MRTFA: variants seen among roughly 807,000 people sequenced by gnomAD.
MRTFA encodes myocardin related transcription factor A, also known as myocardin-related transcription factor A.
A neutral mutation model predicts 83.5 loss-of-function variants in MRTFA; 20 were observed. The ratio of observed to expected loss-of-function variants is 0.24; its 90% CI spans 0.17 to 0.35. The LOEUF (loss-of-function observed/expected upper bound fraction) is 0.35, where lower values mean the gene tolerates loss of function less well. MRTFA is among the 10% of genes least tolerant of loss of function. MRTFA has a pLI of 1.00. For missense variants in MRTFA, 1,200 were observed against 1,224.7 expected (o/e 0.98, Z 0.30); for synonymous variants, 659 against 541.2 (o/e 1.22, Z -3.02).
At chr22:40,483,007 G>A (rs1402159967) in intron 3 of MRTFA, among the ~76,000 whole-genome samples, 1 of 152,084 alleles carries the variant, frequency 6.6e-6, no homozygotes, top group Non-Finnish European at 1.5e-5. Flanking sequence ...CCAGACTGCA[G>A]TGAGCCACCA....
In MRTFA at chr22:40,588,660, T is replaced by G. The variant is rs191740151; in HGVS notation, c.-22+6014A>C. ...GTAACATAGTAACAGTGCCTTGAAT[T>G]TAACCATTTCCAACGTACACATTAA... On this transcript the variant is annotated intron_variant, in intron 2 of 14. Transcript: ENST00000355630. 8.9e-4 allele frequency among the ~76,000 whole-genome samples: 135 copies of G among 152,270 alleles called. 1 individual carries two copies. The Middle Eastern group carries it at 0.02, about 23-fold the overall frequency.
intron 2 of MRTFA, among the ~76,000 whole-genome samples, chr22:40,560,936 A>G (rs2055604713): frequency 6.6e-6 from 1 of 152,254 alleles, no homozygotes; most frequent in East Asian, 1.9e-4. Context: ...CATGAGCACT[A>G]GCACAATTCT....
At chr22:40,475,200 T>C (rs1046384317) in intron 3 of MRTFA, among the ~76,000 whole-genome samples, 2 of 152,156 alleles carry the variant, frequency 1.3e-5, no homozygotes, top group Non-Finnish European at 2.9e-5. Context: ...ATGAGAACCA[T>C]GTCTTACACA....
At chr22:40,446,011 G>C (rs1244326692) in intron 4 of MRTFA, among the ~76,000 whole-genome samples, 1 of 152,162 alleles carries the variant, frequency 6.6e-6, no homozygotes, top group Non-Finnish European at 1.5e-5. Flanking sequence ...CTCATGATTA[G>C]ATTTAGGTTA....
chr22:40,597,278 T>C (rs2147388455), intron 1 of MRTFA, among the ~76,000 whole-genome samples: 1 of 152,232 alleles, frequency 6.6e-6, no homozygotes, highest in East Asian at 1.9e-4. Flanking sequence ...CAAAAGCTAG[T>C]GTACTTCTAC....
chr22:40,495,362 C>T (rs1602334487), intron 3 of MRTFA, among the ~76,000 whole-genome samples: 2 of 142,162 alleles, frequency 1.4e-5, no homozygotes, highest in African/African-American at 5.2e-5. Context: ...TGAGGCAGGA[C>T]GATCACTTGA....
At chr22:40,504,139 G>A (rs1230518832) in intron 3 of MRTFA, among the ~76,000 whole-genome samples, 1 of 152,022 alleles carries the variant, frequency 6.6e-6, no homozygotes, top group Non-Finnish European at 1.5e-5. Flanking sequence ...TTGAAAATTA[G>A]ATATAAAAAT....
At chr22:40,512,295 C>T (rs893693531) in intron 3 of MRTFA, among the ~76,000 whole-genome samples, 2 of 152,232 alleles carry the variant, frequency 1.3e-5, no homozygotes, top group African/African-American at 2.4e-5. Flanking sequence ...CTAATTCTTA[C>T]AGCAAATGTC....
At chr22:40,490,468 G>C (rs1473529491) in intron 3 of MRTFA, among the ~76,000 whole-genome samples, 1 of 151,952 alleles carries the variant, frequency 6.6e-6, no homozygotes, top group Non-Finnish European at 1.5e-5. Context: ...GCATGGTGGT[G>C]GGTACCTGTA....
chr22:40,564,328 G>C (rs915180114), intron 2 of MRTFA, among the ~76,000 whole-genome samples: 1 of 152,130 alleles, frequency 6.6e-6, no homozygotes, highest in Non-Finnish European at 1.5e-5. Flanking sequence ...AGGAAAACAT[G>C]GGAATGAAGA....
intron 7 of MRTFA, among the ~76,000 whole-genome samples, chr22:40,427,063 G>T (rs1310105835): frequency 6.6e-6 from 1 of 152,192 alleles, no homozygotes; most frequent in Non-Finnish European, 1.5e-5. Context: ...AATTCTTTTA[G>T]CGCACAAGTC....
rs1017252758 is a variant in MRTFA, at chr22:40,430,539, G to A, written c.440-772C>T. On this transcript the variant is annotated intron_variant, in intron 6 of 14. Coordinates refer to ENST00000355630, the MANE Select transcript of MRTFA (RefSeq NM_020831.6). ...GTAAATATATTTATGCTGCTTCCAG[G>A]AGCCAAAACCTTTTCTTCACTAAAA... is the stretch of plus-strand genomic sequence containing the variant. Among the ~76,000 whole-genome samples, 23 of 151,656 alleles carry A rather than the reference G, an allele frequency of 1.5e-4. 1 individual carries two copies. Among genetic ancestry groups the A allele is most frequent in the Non-Finnish European group, 2.2e-4 (15 of 67,944 alleles).
intron 1 of MRTFA, among the ~76,000 whole-genome samples, chr22:40,603,765 T>C (rs2056286282): frequency 1.3e-5 from 2 of 150,100 alleles, no homozygotes; most frequent in Non-Finnish European, 3.0e-5. Context: ...AAAAAAAATT[T>C]TTTTTTTACT....
rs537056787 is a variant in MRTFA at position 40,527,411 on chromosome 22, G to A, written c.241+24695C>T. Among the ~76,000 whole-genome samples the A allele has an allele frequency of 3.3e-5, 5 of 151,782 alleles. No homozygotes were observed. In the East Asian group the frequency reaches 9.7e-4, roughly 29 times the overall value. On this transcript the variant is annotated intron_variant, in intron 3 of 14. Coordinates refer to ENST00000355630, the MANE Select transcript of MRTFA (RefSeq NM_020831.6). ...TTTTTTTTTTGTCATTGATGGCAGA[G>A]TGGTTTTTTAGCATTATTTTCCTTG...
chr22:40,411,880 G>T lies in MRTFA; in HGVS notation c.2606C>A (p.Pro869Gln). The T allele has an allele frequency of 6.7e-7, 1 of 1,483,698 alleles. No homozygotes were observed. Among genetic ancestry groups the T allele is most frequent in the Non-Finnish European group, 9.0e-7 (1 of 1,115,604 alleles). The allele number at this position is 1,483,698 out of a possible 1,614,324, so 91.9% of individuals were successfully genotyped here. The stretch of plus-strand genomic sequence containing the variant: ...TGGCTTCTCCTTCCCTGGCAGGGAT[G>T]GCGGCTCCTTGAAATCTGCTGAAAT... The change falls in exon 15 of 15, where the codon CCA (proline) becomes CAA (glutamine). Residue 869 changes from proline (P) to glutamine (Q), a missense_variant. Physicochemically the swap from Pro to Gln is moderately conservative, Grantham distance 76. Coordinates refer to ENST00000355630, the MANE Select transcript of MRTFA (RefSeq NM_020831.6).
chr22:40,524,403 A>T (rs2054925076), intron 3 of MRTFA, among the ~76,000 whole-genome samples: 1 of 152,234 alleles, frequency 6.6e-6, no homozygotes, highest in South Asian at 2.1e-4. Context: ...CAAACAAAAA[A>T]TTTAACGTGT....
At chr22:40,577,150 G>C (rs185384588) in intron 2 of MRTFA, among the ~76,000 whole-genome samples, 1 of 151,048 alleles carries the variant, frequency 6.6e-6, no homozygotes, top group African/African-American at 2.4e-5. Context: ...TTGAGCCTGG[G>C]AGGTCGAGGC....
chr22:40,607,727 T>C (rs1051372867), intron 1 of MRTFA, among the ~76,000 whole-genome samples: 6 of 152,218 alleles, frequency 3.9e-5, no homozygotes, highest in African/African-American at 1.4e-4. Context: ...TCCATTTCTA[T>C]GATCACTAAG....
intron 1 of MRTFA, among the ~76,000 whole-genome samples, chr22:40,623,076 C>T (rs993408462): frequency 6.6e-6 from 1 of 152,144 alleles, no homozygotes; most frequent in Non-Finnish European, 1.5e-5. Context: ...AACATGTAAG[C>T]CAGCTGTGAT....
Sources: allele counts gnomAD v4.1 joint callset (sites outside exome capture counted in the v4.1 genomes callset), GRCh38; gene constraint gnomAD v4.1.1; transcripts MANE v1.5; gene names NCBI Gene and HGNC (gene_info 2026-07-23, HGNC 2026-07-21).